The following TDP1 variants were observed in gnomAD, a reference collection of about 807,000 sequenced individuals.
TDP1 encodes the protein tyrosyl-DNA phosphodiesterase 1, also known as tyr-DNA phosphodiesterase 1.
TDP1 carries 64 observed loss-of-function variants against 81.5 expected under a neutral mutation model. That is an observed-to-expected ratio of 0.79 (90% confidence interval 0.64 to 0.97). The LOEUF is 0.97. Among genes scored for constraint, TDP1 ranks in the 50% least tolerant of loss-of-function variants. The pLI is 0.00. For synonymous variants in TDP1, 256 were observed against 264.3 expected (o/e 0.97, Z 0.30); for missense variants, 723 against 743.8 (o/e 0.97, Z 0.33).
intron 13 of TDP1, among the ~76,000 whole-genome samples, chr14:89,992,705 T>C (rs1246035549): frequency 6.6e-6 from 1 of 152,246 alleles, no homozygotes; most frequent in Non-Finnish European, 1.5e-5. Context: ...TTAAATTCAC[T>C]TGAATGAAGA....
chr14:90,038,035 T>C (rs1887997509), intron 16 of TDP1, among the ~76,000 whole-genome samples: 1 of 152,200 alleles, frequency 6.6e-6, no homozygotes, highest in South Asian at 2.1e-4. Flanking sequence ...TTACCAAGAA[T>C]ACCAAAGAAG....
At chr14:90,037,020 C>T (rs1307929507) in intron 16 of TDP1, among the ~76,000 whole-genome samples, 6 of 152,098 alleles carry the variant, frequency 3.9e-5, no homozygotes, top group Non-Finnish European at 8.8e-5. Flanking sequence ...CTATGTTGCC[C>T]AGGCTGGTCT....
intron 3 of TDP1, 68 bp downstream of exon 3, chr14:89,963,741 G>A (rs1892609812): frequency 6.4e-7 from 1 of 1,562,964 alleles, no homozygotes; most frequent in African/African-American, 1.4e-5. Context: ...GTGAAACAAG[G>A]AGGGCAGCCT....
chr14:89,984,453 G>C, intron 8 of TDP1, 63 bp from the exon 9 acceptor site: 1 of 1,607,516 alleles, frequency 6.2e-7, no homozygotes, highest in East Asian at 2.2e-5. Context: ...AGGCATAATC[G>C]ATACAGAGAT....
intron 15 of TDP1, chr14:90,032,607 T>G (rs1322378264): frequency 2.9e-6 from 1 of 343,972 alleles, no homozygotes; most frequent in African/African-American, 2.2e-5. Context: ...GAATAAACCT[T>G]CCATTTTGAT....
chr14:89,990,943 T>A (rs1896112867), intron 12 of TDP1, among the ~76,000 whole-genome samples: 1 of 152,334 alleles, frequency 6.6e-6, no homozygotes, highest in Middle Eastern at 3.4e-3. Flanking sequence ...CTTGGAACTT[T>A]CTTTATTCTC....
chr14:90,021,346 T>C (rs1886072239), intron 15 of TDP1, among the ~76,000 whole-genome samples: 1 of 152,220 alleles, frequency 6.6e-6, no homozygotes, highest in African/African-American at 2.4e-5. Flanking sequence ...GGTGTGATTA[T>C]AGTGACTGTG....
At position 89,984,691 on chromosome 14, in the gene TDP1, T is replaced by G. The variant is rs1276853602; in HGVS notation, c.1052+8T>G. ...CGATCTCTCTGAAACAAAGTATGTG[T>G]CAGCTTATCAATTTGGGGTGCTTAT... On this transcript the variant is annotated splice_region_variant and intron_variant, in intron 9 of 16. Coordinates refer to ENST00000335725, the MANE Select transcript of TDP1 (RefSeq NM_018319.4). 1 of 1,613,348 alleles carries G rather than the reference T, an allele frequency of 6.2e-7. No homozygotes were observed.
rs551437468 is a variant in TDP1, at chr14:90,014,860, T to C, written c.1542-4456T>C. On this transcript the variant is annotated intron_variant, in intron 14 of 16. Transcript: ENST00000335725. ...CCAAAGTTCAGGTTTTGAAAGATGC[T>C]TGGAGCAGGGCTTGGCCCAGAGGTC... Among the ~76,000 whole-genome samples the C allele has an allele frequency of 2.6e-5, 4 of 152,320 alleles. No homozygotes were observed. The South Asian group carries it at 8.3e-4, about 32-fold the overall frequency.
intron 9 of TDP1, 43 bp from the exon 10 acceptor site, chr14:89,985,089 C>T: frequency 1.3e-6 from 2 of 1,494,290 alleles, no homozygotes; most frequent in Non-Finnish European, 1.9e-6. Flanking sequence ...GTGCCCAAAG[C>T]ACATCACTAT....
chr14:90,018,659 C>G (rs1885600873), intron 14 of TDP1, among the ~76,000 whole-genome samples: 2 of 151,742 alleles, frequency 1.3e-5, no homozygotes, highest in African/African-American at 4.8e-5. Flanking sequence ...TGCCATCTTT[C>G]CCAGGCTGGT....
At chr14:90,008,783 G>T (rs1884353043) in intron 14 of TDP1, among the ~76,000 whole-genome samples, 1 of 152,144 alleles carries the variant, frequency 6.6e-6, no homozygotes, top group South Asian at 2.1e-4. Context: ...GAGTGCAGTG[G>T]CACGTGATCA....
At position 89,966,952 on chromosome 14, in the gene TDP1, A is replaced by C; in HGVS notation, c.604-415A>C. ...TAGCTAATAAGTTAGCCTGAAAGGA[A>C]ATGTTCTTTTCTGAAAGTCCTGGGA... On this transcript the variant is annotated intron_variant, in intron 4 of 16. Transcript: ENST00000335725. 6.1e-6 allele frequency: 6 copies of C among 983,968 alleles called. No homozygotes were observed. In the South Asian group the frequency reaches 2.4e-4, roughly 39 times the overall value. The allele number at this position is 983,968 out of a possible 1,614,324, so 61.0% of individuals were successfully genotyped here. A position where few individuals can be genotyped will look rare whatever the true frequency, so the allele number is the denominator to read the frequency against.
chr14:90,037,632 CCT>C (rs1223437129), intron 16 of TDP1, among the ~76,000 whole-genome samples: 3 of 152,188 alleles, frequency 2.0e-5, no homozygotes, highest in Non-Finnish European at 2.9e-5. Context: ...ACATTTACAT[CCT>C]CTCTCATATC....
chr14:89,982,140 G>A (rs1045093107), intron 8 of TDP1, among the ~76,000 whole-genome samples: 1 of 152,068 alleles, frequency 6.6e-6, no homozygotes, highest in Non-Finnish European at 1.5e-5. Context: ...CCACTCCCTT[G>A]CCCCACCATA....
intron 3 of TDP1, chr14:89,964,809 A>T (rs1892746147): frequency 4.8e-6 from 2 of 419,694 alleles, no homozygotes; most frequent in East Asian, 1.6e-4. Flanking sequence ...TTGTGGTAAC[A>T]TGATAGGAGC....
At chr14:89,957,838 A>G (rs1308927960) in intron 2 of TDP1, among the ~76,000 whole-genome samples, 1 of 152,214 alleles carries the variant, frequency 6.6e-6, no homozygotes, top group Non-Finnish European at 1.5e-5. Flanking sequence ...CACATGACAC[A>G]GGATTTATTT....
chr14:89,983,506 A>G (rs965500896), intron 8 of TDP1, among the ~76,000 whole-genome samples: 2 of 152,160 alleles, frequency 1.3e-5, no homozygotes, highest in Non-Finnish European at 2.9e-5. Flanking sequence ...CTGCCAGGTG[A>G]AAGAGAAATT....
intron 16 of TDP1, 161 bp from the exon 17 acceptor site, chr14:90,042,909 A>G: frequency 3.0e-6 from 3 of 985,424 alleles, no homozygotes; most frequent in Non-Finnish European, 3.6e-6. Context: ...AGCCTTCGCT[A>G]AAAGCTGTTG....
Sources: allele counts gnomAD v4.1 joint callset (sites outside exome capture counted in the v4.1 genomes callset), GRCh38; gene constraint gnomAD v4.1.1; transcripts MANE v1.5; gene names NCBI Gene and HGNC (gene_info 2026-07-23, HGNC 2026-07-21).